SOHLH2: variants seen among roughly 807,000 people sequenced by gnomAD.
SOHLH2 encodes the protein spermatogenesis- and oogenesis-specific basic helix-loop-helix-containing protein 2.
A neutral mutation model predicts 50.4 loss-of-function variants in SOHLH2; 22 were observed. That is an observed-to-expected ratio of 0.44 (90% CI 0.31 to 0.62). The LOEUF (loss-of-function observed/expected upper bound fraction) is 0.62, where lower values mean the gene tolerates loss of function less well. Among genes scored for constraint, SOHLH2 ranks in the 20% least tolerant of loss-of-function variants. The probability of loss-of-function intolerance (pLI) is 0.08; values close to 1 mark genes in which losing one functional copy is unlikely to be tolerated. For synonymous variants in SOHLH2, 185 were observed against 187.3 expected (o/e 0.99, Z 0.10); for missense variants, 412 against 504.4 (o/e 0.82, Z 1.76).
intron 6 of SOHLH2, among the ~76,000 whole-genome samples, chr13:36,187,945 A>C (rs979907319): frequency 1.7e-4 from 26 of 152,116 alleles, no homozygotes; most frequent in African/African-American, 6.3e-4. Context: ...ATATGGTAGA[A>C]GTGGCCTGGG....
At position 36,174,515 on chromosome 13, in the gene SOHLH2, G is replaced by C. The variant is rs750080193; in HGVS notation, c.842C>G (p.Pro281Arg). The change falls in exon 8 of 11, where the codon CCC (proline) becomes CGC (arginine). Residue 281 changes from proline (P) to arginine (R), a missense_variant. Pro to Arg is a moderately radical substitution (Grantham distance 103, BLOSUM62 -2). Coordinates refer to ENST00000379881, the MANE Select transcript of SOHLH2 (RefSeq NM_017826.3). ...AGTGCCTGGGAGAGACAGCTCAATG[G>C]GTGTTTGTTGTTTCTTACAAAACCT... The part of the protein sequence containing the change: ...NMRFCKKQQT[P>R]IELSLPGTVM... 3.2e-5 allele frequency: 52 copies of C among 1,613,968 alleles called. 1 individual carries two copies. In the South Asian group the frequency reaches 4.4e-4, roughly 14 times the overall value.
At chr13:36,205,599 A>G (rs1868710565) in intron 1 of SOHLH2, among the ~76,000 whole-genome samples, 1 of 152,084 alleles carries the variant, frequency 6.6e-6, no homozygotes, top group African/African-American at 2.4e-5. Context: ...GGATAAACCT[A>G]TTCATAATGT....
intron 2 of SOHLH2, among the ~76,000 whole-genome samples, chr13:36,196,454 AGT>A (rs1887734492): frequency 6.6e-6 from 1 of 152,140 alleles, no homozygotes; most frequent in African/African-American, 2.4e-5. Flanking sequence ...GTGATGAGAA[AGT>A]GTGGATTATA....
Position 36,200,823 on chromosome 13 carries a change from G to A in SOHLH2, c.263+1056C>T, listed in dbSNP as rs372517771. ...CCCAGCACTTTGGGAGGCCTAGGTG[G>A]GTGGATCACGAGGTCAGGAGTTTGA... On this transcript the variant is annotated intron_variant, in intron 2 of 10. Coordinates refer to ENST00000379881, the MANE Select transcript of SOHLH2 (RefSeq NM_017826.3). Among the ~76,000 whole-genome samples the A allele has an allele frequency of 7.2e-5, 11 of 152,008 alleles. No homozygotes were observed. In the East Asian group the frequency reaches 1.9e-3, roughly 27 times the overall value.
intron 6 of SOHLH2, among the ~76,000 whole-genome samples, chr13:36,184,019 T>A (rs867399596): frequency 1.7e-4 from 26 of 152,168 alleles, no homozygotes; most frequent in Admixed American, 4.6e-4. Context: ...ACCTCATTAA[T>A]ATTTATAGAA....
intron 6 of SOHLH2, chr13:36,183,138 A>AAG (rs1263483967): frequency 2.8e-6 from 1 of 363,386 alleles, no homozygotes; most frequent in Admixed American, 2.4e-5. Flanking sequence ...GCCTCCTGCC[A>AAG]TGATTGTAAG....
chr13:36,184,315 T>C (rs1887340875), intron 6 of SOHLH2, among the ~76,000 whole-genome samples: 1 of 152,026 alleles, frequency 6.6e-6, no homozygotes, highest in Non-Finnish European at 1.5e-5. Context: ...TGAATGATAG[T>C]GGAAATATAT....
At chr13:36,174,898 A>G in intron 6 of SOHLH2, 29 bp from the exon 7 acceptor site, 1 of 1,545,710 alleles carries the variant, frequency 6.5e-7, no homozygotes, top group East Asian at 2.3e-5. Flanking sequence ...TACATAAAGA[A>G]TAATTAGTCT....
intron 1 of SOHLH2, among the ~76,000 whole-genome samples, chr13:36,209,505 A>G (rs1459022016): frequency 1.3e-5 from 2 of 152,170 alleles, no homozygotes; most frequent in African/African-American, 4.8e-5. Flanking sequence ...TAGTTCATAG[A>G]TGGCAATTTA....
intron 2 of SOHLH2, among the ~76,000 whole-genome samples, chr13:36,197,004 C>T (rs1451807864): frequency 6.6e-6 from 1 of 152,188 alleles, no homozygotes; most frequent in African/African-American, 2.4e-5. Flanking sequence ...AGAAAATGTT[C>T]TCTTTTTTTG....
At chr13:36,179,465 G>C (rs906277411) in intron 6 of SOHLH2, among the ~76,000 whole-genome samples, 2 of 152,180 alleles carry the variant, frequency 1.3e-5, no homozygotes, top group Non-Finnish European at 2.9e-5. Flanking sequence ...CTGGAGTGCA[G>C]TGGCACCATC....
intron 6 of SOHLH2, among the ~76,000 whole-genome samples, chr13:36,184,917 C>T (rs1887372602): frequency 6.6e-6 from 1 of 152,116 alleles, no homozygotes; most frequent in African/African-American, 2.4e-5. Context: ...CTCTCCCTCC[C>T]CTTTCCCCTC....
chr13:36,174,348 A>G (rs914698023), intron 8 of SOHLH2, 128 bp downstream of exon 8: 79 of 1,201,288 alleles, frequency 6.6e-5, no homozygotes, highest in Non-Finnish European at 8.4e-5. Flanking sequence ...GGCAATTAGA[A>G]AAGTTCGCTG....
At position 36,194,263 on chromosome 13, in the gene SOHLH2, T is replaced by A. The variant is rs76762208; in HGVS notation, c.264-396A>T. ...AAGAACAAGACAAGAAAAAGGAAAG[T>A]TGAATCCTGATTTGTATAAACTCAC... On this transcript the variant is annotated intron_variant, in intron 2 of 10. Transcript: ENST00000379881. 5.9e-4 allele frequency among the ~76,000 whole-genome samples: 90 copies of A among 152,142 alleles called. No individual in the cohort carries two copies. In the East Asian group the frequency reaches 0.017, roughly 28 times the overall value.
chr13:36,189,179 T>C (rs1887506999), intron 6 of SOHLH2, among the ~76,000 whole-genome samples: 1 of 152,130 alleles, frequency 6.6e-6, no homozygotes, highest in Non-Finnish European at 1.5e-5. Context: ...GAAATTATCA[T>C]TTCTTATTAT....
At chr13:36,183,109 G>C in intron 6 of SOHLH2, 1 of 327,466 alleles carries the variant, frequency 3.1e-6, no homozygotes, top group Non-Finnish European at 6.7e-6. Context: ...CTTGCTATGT[G>C]ACACATTGGC....
intron 6 of SOHLH2, among the ~76,000 whole-genome samples, chr13:36,184,424 T>A (rs1566038650): frequency 6.6e-6 from 1 of 151,050 alleles, no homozygotes; most frequent in African/African-American, 2.4e-5. Context: ...GAAGAAAAGG[T>A]TAAAATCAAT....
chr13:36,212,693 G>A (rs1023070078), intron 1 of SOHLH2, among the ~76,000 whole-genome samples: 5 of 152,062 alleles, frequency 3.3e-5, no homozygotes, highest in African/African-American at 1.2e-4. Flanking sequence ...GTATTCACTG[G>A]GAAACACTAA....
In SOHLH2 at chr13:36,168,768, CTGA is replaced by C; in HGVS notation, c.*263_*265del. 3 of 460,234 alleles carry C rather than the reference CTGA, an allele frequency of 6.5e-6. No individual in the cohort carries two copies. Among genetic ancestry groups the C allele is most frequent in the Non-Finnish European group, 1.1e-5 (3 of 264,550 alleles). The allele number at this position is 460,234 out of a possible 1,614,324, so 28.5% of individuals were successfully genotyped here. The stretch of plus-strand genomic sequence containing the variant: ...TTTTGAGAAAAGAGAGTGTAGGTCA[CTGA>C]GGCCATTTGTTCTTGTAGCTCTCTG... On this transcript the variant is annotated 3_prime_UTR_variant, in exon 11 of 11. Coordinates refer to ENST00000379881, the MANE Select transcript of SOHLH2 (RefSeq NM_017826.3).
Sources: allele counts gnomAD v4.1 joint callset (sites outside exome capture counted in the v4.1 genomes callset), GRCh38; gene constraint gnomAD v4.1.1; transcripts MANE v1.5; gene names NCBI Gene and HGNC (gene_info 2026-07-23, HGNC 2026-07-21).